Variants in CSMD1 observed in about 807,000 individuals in gnomAD.
CSMD1 encodes CUB and sushi domain-containing protein 1.
CSMD1 carries 213 observed loss-of-function variants against 417.5 expected under a neutral mutation model. The observed-to-expected ratio is 0.51, with a 90% CI of 0.46 to 0.57. The LOEUF is 0.57. Among genes scored for constraint, CSMD1 ranks in the 20% least tolerant of loss-of-function variants. CSMD1 has a pLI of 0.00. For synonymous variants in CSMD1, 2,862 were observed against 1,736.8 expected (o/e 1.65, Z -16.11); for missense variants, 6,923 against 4,529.7 (o/e 1.53, Z -15.17).
intron 2 of CSMD1, among the ~76,000 whole-genome samples, chr8:4,609,664 G>T (rs1585325875): frequency 6.6e-6 from 1 of 152,104 alleles, no homozygotes; most frequent in African/African-American, 2.4e-5. Context: ...GACTTCCAAA[G>T]ATTTTACGCT....
chr8:3,793,084 T>A (rs1799838288), intron 5 of CSMD1, among the ~76,000 whole-genome samples: 1 of 152,132 alleles, frequency 6.6e-6, no homozygotes, highest in Admixed American at 6.5e-5. Flanking sequence ...AAAGGGGCAA[T>A]TAACACTTCC....
chr8:3,927,481 A>G lies in CSMD1; in HGVS notation c.818+70422T>C, dbSNP rs527952801. Among the ~76,000 whole-genome samples the G allele has an allele frequency of 2.8e-4, 42 of 152,008 alleles. No individual in the cohort carries two copies. The East Asian group carries it at 7.5e-3, about 27-fold the overall frequency. On this transcript the variant is annotated intron_variant, in intron 5 of 69. Transcript: ENST00000635120. ...GGAGTTTGGGACCACCCTGGCCAACATGGTGAGACCCCATCTCTACTAAAA... is the reference window on the plus strand; with the variant it reads ...GGAGTTTGGGACCACCCTGGCCAACGTGGTGAGACCCCATCTCTACTAAAA...
intron 3 of CSMD1, among the ~76,000 whole-genome samples, chr8:4,412,296 G>A (rs1375371297): frequency 6.6e-6 from 1 of 152,010 alleles, no homozygotes; most frequent in Non-Finnish European, 1.5e-5. Context: ...CCATCCTCTC[G>A]GTTGCTCTCC....
intron 5 of CSMD1, among the ~76,000 whole-genome samples, chr8:3,827,755 G>A (rs992009736): frequency 4.6e-5 from 7 of 152,128 alleles, no homozygotes; most frequent in Admixed American, 6.6e-5. Context: ...ATACGATAAT[G>A]AATAGTTGAT....
At chr8:3,907,723 G>T (rs968656270) in intron 5 of CSMD1, among the ~76,000 whole-genome samples, 1 of 152,170 alleles carries the variant, frequency 6.6e-6, no homozygotes, top group Non-Finnish European at 1.5e-5. Flanking sequence ...CCTGAGAAGT[G>T]TTATGTGAGT....
chr8:4,349,768 C>G (rs973786757), intron 3 of CSMD1, among the ~76,000 whole-genome samples: 3 of 151,598 alleles, frequency 2.0e-5, no homozygotes, highest in African/African-American at 7.3e-5. Context: ...AATCTTTCCT[C>G]CATTAAGATA....
chr8:4,044,217 T>G (rs1254907684), intron 3 of CSMD1, among the ~76,000 whole-genome samples: 1 of 152,162 alleles, frequency 6.6e-6, no homozygotes, highest in African/African-American at 2.4e-5. Flanking sequence ...AACTGCTGTT[T>G]CAAATACAAA....
intron 49 of CSMD1, 90 bp from the exon 50 acceptor site, chr8:3,052,737 A>G: frequency 2.3e-6 from 2 of 857,698 alleles, no homozygotes; most frequent in Non-Finnish European, 1.7e-6. Flanking sequence ...ATTATTATTG[A>G]CTCCATTTTT....
intron 9 of CSMD1, among the ~76,000 whole-genome samples, chr8:3,580,976 C>T (rs1800357869): frequency 6.6e-6 from 1 of 152,194 alleles, no homozygotes; most frequent in Non-Finnish European, 1.5e-5. Flanking sequence ...TAACTTTATT[C>T]CCTGACTCTG....
At position 4,654,303 on chromosome 8, in the gene CSMD1, T is replaced by G. The variant is rs201688696; in HGVS notation, c.86-16745A>C. 3.3e-5 allele frequency among the ~76,000 whole-genome samples: 5 copies of G among 152,210 alleles called. No individual in the cohort carries two copies. In the East Asian group the frequency reaches 9.7e-4, roughly 29 times the overall value. ...AATATAGACTTATATGGAAAGGATATAAATGGTTCAGGGATGTATTGCTTT... is the reference window on the plus strand; with the variant it reads ...AATATAGACTTATATGGAAAGGATAGAAATGGTTCAGGGATGTATTGCTTT... On this transcript the variant is annotated intron_variant, in intron 1 of 69. Transcript: ENST00000635120.
intron 3 of CSMD1, among the ~76,000 whole-genome samples, chr8:4,145,082 T>C (rs1292842380): frequency 6.6e-6 from 1 of 151,262 alleles, no homozygotes; most frequent in Admixed American, 6.6e-5. Flanking sequence ...GATTTAAGGA[T>C]GTTAAAAATG....
Position 3,985,756 on chromosome 8 carries a change from ATTTT to A in CSMD1, c.818+12143_818+12146del, listed in dbSNP as rs11288801. Among the ~76,000 whole-genome samples the A allele has an allele frequency of 5.9e-3, 838 of 142,418 alleles. 11 individuals are homozygous for A. The highest frequency in any genetic ancestry group is 0.02 in the African/African-American group (752 of 38,398). The allele number at this position is 142,418 out of a possible 152,430, so 93.4% of individuals were successfully genotyped here. A position where few individuals can be genotyped will look rare whatever the true frequency, so the allele number is the denominator to read the frequency against. ...AGGCTGCCTTTAAAATGTTAAAGTG[ATTTT>A]TTTTTTTTTTTTTGAGATGGAGTCT... is the stretch of plus-strand genomic sequence containing the variant. On this transcript the variant is annotated intron_variant, in intron 5 of 69. Coordinates refer to ENST00000635120, the MANE Select transcript of CSMD1 (RefSeq NM_033225.6).
chr8:4,493,834 G>T (rs1469881225), intron 2 of CSMD1, among the ~76,000 whole-genome samples: 3 of 152,162 alleles, frequency 2.0e-5, no homozygotes, highest in African/African-American at 7.2e-5. Flanking sequence ...TTCACAGCAG[G>T]ACACAGTTTT....
chr8:3,968,005 A>C (rs1415368379), intron 5 of CSMD1, among the ~76,000 whole-genome samples: 1 of 17,914 alleles, frequency 5.6e-5, no homozygotes, highest in South Asian at 3.1e-3. Flanking sequence ...GTCACTGCTT[A>C]AAAAAAAAAA....
intron 59 of CSMD1, among the ~76,000 whole-genome samples, chr8:2,964,936 ACTCT>A (rs1174854056): frequency 6.6e-6 from 1 of 151,958 alleles, no homozygotes; most frequent in Non-Finnish European, 1.5e-5. Flanking sequence ...GAGTGTCCTA[ACTCT>A]CCCTCCCTCA....
At chr8:3,952,850 G>A (rs1273570497) in intron 5 of CSMD1, among the ~76,000 whole-genome samples, 1 of 152,172 alleles carries the variant, frequency 6.6e-6, no homozygotes, top group Non-Finnish European at 1.5e-5. Flanking sequence ...TTTGAATGCA[G>A]TGAAAATAAG....
At chr8:3,819,965 G>T (rs146886048) in intron 5 of CSMD1, among the ~76,000 whole-genome samples, 1 of 152,102 alleles carries the variant, frequency 6.6e-6, no homozygotes, top group African/African-American at 2.4e-5. Context: ...ATCGTTTCCC[G>T]AATTGCTGTC....
chr8:4,102,349 GT>G (rs1801347871), intron 3 of CSMD1, among the ~76,000 whole-genome samples: 1 of 151,898 alleles, frequency 6.6e-6, no homozygotes, highest in African/African-American at 2.4e-5. Flanking sequence ...TTTTTGCTTT[GT>G]TTTTCCTTGC....
intron 2 of CSMD1, among the ~76,000 whole-genome samples, chr8:4,448,804 G>A (rs547188492): frequency 6.6e-6 from 1 of 152,150 alleles, no homozygotes; most frequent in African/African-American, 2.4e-5. Context: ...GAAGGAGACA[G>A]AAACCTAATT....
Sources: gnomAD v4.1 joint callset for allele counts (sites outside exome capture counted in the v4.1 genomes callset) on GRCh38, gnomAD v4.1.1 for gene constraint, MANE v1.5 for transcripts, NCBI Gene and HGNC (gene_info 2026-07-23, HGNC 2026-07-21) for gene names.